Variants in DLGAP2 observed in about 807,000 individuals in gnomAD.
DLGAP2 encodes the protein disks large-associated protein 2.
In DLGAP2, 26 loss-of-function variants were observed where a neutral mutation model predicts 100.3. The observed-to-expected ratio is 0.26, with a 90% CI of 0.19 to 0.36. The LOEUF (loss-of-function observed/expected upper bound fraction) is 0.36. DLGAP2 is among the 10% of genes least tolerant of loss of function. The pLI is 1.00. For missense variants in DLGAP2, 1,858 were observed against 1,453.2 expected (o/e 1.28, Z -4.53); for synonymous variants, 886 against 630.1 (o/e 1.41, Z -6.08).
chr8:1,185,343 A>T (rs1797476866), intron 2 of DLGAP2, among the ~76,000 whole-genome samples: 1 of 152,126 alleles, frequency 6.6e-6, no homozygotes, highest in South Asian at 2.1e-4. Flanking sequence ...TGCTGACGTC[A>T]TCCTGGAATC....
chr8:1,068,048 G>A (rs1302766026), intron 2 of DLGAP2, among the ~76,000 whole-genome samples: 2 of 152,138 alleles, frequency 1.3e-5, no homozygotes, highest in East Asian at 3.9e-4. Flanking sequence ...TTATTTGATG[G>A]GAACCACAGT....
intron 3 of DLGAP2, among the ~76,000 whole-genome samples, chr8:1,331,976 A>G (rs1034898090): frequency 6.6e-6 from 1 of 151,984 alleles, no homozygotes. Context: ...AACCCCCTGA[A>G]CAGCCCCAGG....
chr8:1,222,283 C>T (rs1041910833), intron 2 of DLGAP2, among the ~76,000 whole-genome samples: 1 of 152,084 alleles, frequency 6.6e-6, no homozygotes, highest in Non-Finnish European at 1.5e-5. Context: ...GATGCCCTTG[C>T]GAGTTTGACT....
chr8:1,433,144 C>T (rs1393081253), intron 3 of DLGAP2, among the ~76,000 whole-genome samples: 6 of 152,212 alleles, frequency 3.9e-5, no homozygotes, highest in African/African-American at 9.6e-5. Flanking sequence ...AGGAAGCCCC[C>T]GCCATGAGCC....
intron 8 of DLGAP2, among the ~76,000 whole-genome samples, chr8:1,639,301 G>A (rs868109718): frequency 5.3e-5 from 8 of 152,328 alleles, no homozygotes; most frequent in African/African-American, 1.2e-4. Context: ...GGAGCCAGGA[G>A]GGATGGGGAG....
chr8:749,188 G>C (rs1269872387), intron 1 of DLGAP2, among the ~76,000 whole-genome samples: 1 of 152,266 alleles, frequency 6.6e-6, no homozygotes, highest in East Asian at 1.9e-4. Context: ...CTGGGGTTTG[G>C]CTATATTGCC....
At chr8:1,252,646 C>T (rs773410966) in intron 2 of DLGAP2, among the ~76,000 whole-genome samples, 1 of 152,286 alleles carries the variant, frequency 6.6e-6, no homozygotes, top group South Asian at 2.1e-4. Flanking sequence ...GACAAAGAGT[C>T]ATGGTTTCGT....
At chr8:1,021,971 C>T (rs1801635547) in intron 2 of DLGAP2, among the ~76,000 whole-genome samples, 1 of 152,206 alleles carries the variant, frequency 6.6e-6, no homozygotes, top group Admixed American at 6.5e-5. Flanking sequence ...GGGCCTGAGA[C>T]CATCATGGCC....
chr8:1,408,184 T>C (rs1253636378), intron 3 of DLGAP2, among the ~76,000 whole-genome samples: 1 of 152,238 alleles, frequency 6.6e-6, no homozygotes, highest in Non-Finnish European at 1.5e-5. Context: ...TTTATTCCCG[T>C]AGTTGAAGAA....
chr8:1,376,970 A>G (rs1186194617), intron 3 of DLGAP2, among the ~76,000 whole-genome samples: 1 of 152,242 alleles, frequency 6.6e-6, no homozygotes, highest in Non-Finnish European at 1.5e-5. Flanking sequence ...TAATCACACC[A>G]TGCAATTAAC....
intron 3 of DLGAP2, among the ~76,000 whole-genome samples, chr8:1,342,855 C>A (rs1186333742): frequency 2.0e-5 from 3 of 152,192 alleles, no homozygotes; most frequent in Non-Finnish European, 4.4e-5. Flanking sequence ...AGTCACAATT[C>A]TTTCCCTTAC....
chr8:795,343 C>T (rs979809165), intron 1 of DLGAP2, among the ~76,000 whole-genome samples: 4 of 152,196 alleles, frequency 2.6e-5, no homozygotes, highest in Non-Finnish European at 5.9e-5. Context: ...ATGGCTCGAG[C>T]TTGGGCGAAG....
intron 2 of DLGAP2, among the ~76,000 whole-genome samples, chr8:999,743 T>A (rs945991061): frequency 3.9e-5 from 6 of 152,364 alleles, no homozygotes; most frequent in South Asian, 2.1e-4. Flanking sequence ...CCTTCCGAAG[T>A]GCTGGGATTA....
chr8:1,156,135 C>T lies in DLGAP2; in HGVS notation c.74-102716C>T, dbSNP rs78961321. ...AGGGGCCGCAGGTGCAGGGGCTTCC[C>T]TAGGAGCCTCCCCTGGGCTTGGCTG... is the stretch of plus-strand genomic sequence containing the variant. On this transcript the variant is annotated intron_variant, in intron 2 of 14. Coordinates refer to ENST00000637795, the MANE Select transcript of DLGAP2 (RefSeq NM_001346810.2). 7.0e-4 allele frequency among the ~76,000 whole-genome samples: 107 copies of T among 152,286 alleles called. No homozygotes were observed. The East Asian group carries it at 0.019, about 27-fold the overall frequency.
At chr8:1,457,564 A>T (rs907705724) in intron 3 of DLGAP2, among the ~76,000 whole-genome samples, 2 of 152,242 alleles carry the variant, frequency 1.3e-5, no homozygotes, top group African/African-American at 2.4e-5. Context: ...TTCTGATAAG[A>T]CAGATGGTTC....
chr8:940,098 A>G (rs1035080890), intron 2 of DLGAP2, among the ~76,000 whole-genome samples: 4 of 152,106 alleles, frequency 2.6e-5, no homozygotes, highest in Admixed American at 6.5e-5. Context: ...CGAAGGCCAC[A>G]GAGCTGTGGA....
chr8:854,532 C>T (rs1291475712), intron 1 of DLGAP2, among the ~76,000 whole-genome samples: 1 of 151,866 alleles, frequency 6.6e-6, no homozygotes, highest in Non-Finnish European at 1.5e-5. Context: ...TGAGAGAGGG[C>T]CGGACTGACA....
At chr8:1,045,026 T>C (rs745584398) in intron 2 of DLGAP2, among the ~76,000 whole-genome samples, 1 of 152,190 alleles carries the variant, frequency 6.6e-6, no homozygotes, top group Non-Finnish European at 1.5e-5. Context: ...TAAGCACACA[T>C]GATAAGTGAG....
Position 1,423,960 on chromosome 8 carries a change from G to A in DLGAP2, c.107-77406G>A, listed in dbSNP as rs142855669. Among the ~76,000 whole-genome samples, 14 of 152,346 alleles carry A rather than the reference G, an allele frequency of 9.2e-5. No homozygotes were observed. The East Asian group carries it at 2.7e-3, about 29-fold the overall frequency. On this transcript the variant is annotated intron_variant, in intron 3 of 14. Transcript: ENST00000637795. ...AGTGCTGAAAAATAGATGTACTCTTGTGATCAACTCACATGACTGGAATGA... is the reference window on the plus strand; with the variant it reads ...AGTGCTGAAAAATAGATGTACTCTTATGATCAACTCACATGACTGGAATGA...
Sources: gnomAD v4.1 joint callset for allele counts (sites outside exome capture counted in the v4.1 genomes callset) on GRCh38, gnomAD v4.1.1 for gene constraint, MANE v1.5 for transcripts, NCBI Gene and HGNC (gene_info 2026-07-23, HGNC 2026-07-21) for gene names.